MTMR3: variants seen among roughly 807,000 people sequenced by gnomAD.
MTMR3 encodes myotubularin related protein 3.
A neutral mutation model predicts 132.4 loss-of-function variants in MTMR3; 32 were observed. That is an observed-to-expected ratio of 0.24 (90% confidence interval 0.18 to 0.32). The LOEUF (loss-of-function observed/expected upper bound fraction) is 0.32. MTMR3 is among the 10% of genes least tolerant of loss of function. The probability of loss-of-function intolerance (pLI) is 1.00; values close to 1 mark genes in which losing one functional copy is unlikely to be tolerated. For synonymous variants in MTMR3, 556 were observed against 550.3 expected (o/e 1.01, Z -0.14); for missense variants, 1,216 against 1,489.6 (o/e 0.82, Z 3.02).
At chr22:30,007,832 G>A (rs2067306698) in intron 10 of MTMR3, 69 bp from the exon 11 acceptor site, 7 of 1,545,998 alleles carry the variant, frequency 4.5e-6, no homozygotes, top group East Asian at 2.3e-5. Context: ...ATGTGCTTGT[G>A]GGTCTAATTC....
At chr22:29,923,242 T>A (rs932341913) in intron 1 of MTMR3, among the ~76,000 whole-genome samples, 2 of 151,378 alleles carry the variant, frequency 1.3e-5, no homozygotes, top group African/African-American at 4.8e-5. Flanking sequence ...TTTTATTTTT[T>A]ATTTTTTTTT....
chr22:29,950,406 C>G (rs936014027), intron 1 of MTMR3, among the ~76,000 whole-genome samples: 5 of 151,600 alleles, frequency 3.3e-5, no homozygotes, highest in Admixed American at 3.3e-4. Context: ...CTCTGTCGCC[C>G]AGGCTGGAGT....
intron 1 of MTMR3, among the ~76,000 whole-genome samples, chr22:29,925,033 A>C (rs768195443): frequency 2.6e-4 from 40 of 152,136 alleles, no homozygotes; most frequent in Middle Eastern, 3.4e-3. Context: ...TTCCCCTTTA[A>C]ATTTATTTTA....
intron 16 of MTMR3, chr22:30,019,172 C>T (rs2067680497): frequency 8.8e-6 from 2 of 228,218 alleles, no homozygotes; most frequent in Non-Finnish European, 8.7e-6. Flanking sequence ...CACTGCACTC[C>T]AGCCTGGGCG....
chr22:29,949,258 C>T (rs531011452), intron 1 of MTMR3, among the ~76,000 whole-genome samples: 72 of 150,328 alleles, frequency 4.8e-4, no homozygotes, highest in South Asian at 3.4e-3. Flanking sequence ...GAGGCCAAGG[C>T]GGGCAGATCA....
At chr22:29,986,414 A>G (rs940319110) in intron 5 of MTMR3, 1 of 325,192 alleles carries the variant, frequency 3.1e-6, no homozygotes, top group Non-Finnish European at 4.4e-6. Context: ...CTGGCCTGAG[A>G]ACAAAGCAAA....
intron 1 of MTMR3, among the ~76,000 whole-genome samples, chr22:29,908,987 T>TTTTC (rs1191663863): frequency 0.015 from 2,212 of 151,008 alleles, 54 homozygotes; most frequent in African/African-American, 0.051. Flanking sequence ...CTTTTCTTTT[T>TTTTC]TTTTTTTTGA....
chr22:29,923,075 T>C (rs1882952590), intron 1 of MTMR3, among the ~76,000 whole-genome samples: 1 of 146,212 alleles, frequency 6.8e-6, no homozygotes, highest in South Asian at 2.2e-4. Context: ...GGAGTCTTGC[T>C]CTATTGCCCA....
chr22:29,959,285 T>C (rs2066260750), intron 2 of MTMR3, among the ~76,000 whole-genome samples: 1 of 152,114 alleles, frequency 6.6e-6, no homozygotes, highest in Non-Finnish European at 1.5e-5. Context: ...ACCTTCAGGC[T>C]TGGAATAGGA....
chr22:30,019,904 G>T lies in MTMR3; in HGVS notation c.2245G>T (p.Ala749Ser). Reference sequence around the variant, plus strand: ...CCAAGACCCAGAACTGGGTGATGCTGCTCTGAGGAGCCATCTGGATATGAG... The same window carrying T: ...CCAAGACCCAGAACTGGGTGATGCTTCTCTGAGGAGCCATCTGGATATGAG... ...LHQDPELGDA[A>S]LRSHLDMSWP... Residue 749 changes from alanine (A) to serine (S), a missense_variant, in exon 17 of 20, where the codon GCT becomes TCT. This residue lies in a region of MTMR3 where 852 missense variants were observed against 852.0 expected (regional missense o/e 1.00). Coordinates refer to ENST00000401950, the MANE Select transcript of MTMR3 (RefSeq NM_021090.4). 1 of 1,614,206 alleles carries T rather than the reference G, an allele frequency of 6.2e-7. No homozygotes were observed. Among genetic ancestry groups the T allele is most frequent in the Non-Finnish European group, 8.5e-7 (1 of 1,180,022 alleles).
At chr22:29,954,526 G>GC (rs2039459995) in intron 1 of MTMR3, among the ~76,000 whole-genome samples, 1 of 152,144 alleles carries the variant, frequency 6.6e-6, no homozygotes, top group African/African-American at 2.4e-5. Flanking sequence ...GTCTTTGCCA[G>GC]CATTAAGCCC....
intron 7 of MTMR3, chr22:29,994,494 A>C (rs971745251): frequency 6.6e-6 from 1 of 151,944 alleles, no homozygotes; most frequent in Non-Finnish European, 1.5e-5. Flanking sequence ...AGCATTACTC[A>C]TCAAATATTA....
intron 8 of MTMR3, 189 bp from the exon 9 acceptor site, chr22:30,002,684 AACAAAAC>A: frequency 2.0e-6 from 1 of 505,062 alleles, no homozygotes; most frequent in Non-Finnish European, 3.6e-6. Context: ...AACAAAACAA[AACAAAAC>A]ACACTTATGG....
At chr22:30,025,594 C>T in intron 19 of MTMR3, 36 bp from the exon 20 acceptor site, 1 of 1,611,440 alleles carries the variant, frequency 6.2e-7, no homozygotes, top group Non-Finnish European at 8.5e-7. Flanking sequence ...ACCTGCTGGC[C>T]AAAACTAACA....
chr22:29,925,372 T>C (rs528751815), intron 1 of MTMR3, among the ~76,000 whole-genome samples: 41 of 152,270 alleles, frequency 2.7e-4, no homozygotes, highest in African/African-American at 9.4e-4. Context: ...GTGTGCTATG[T>C]TCTGTCTGGA....
At chr22:29,941,012 A>G (rs550108753) in intron 1 of MTMR3, among the ~76,000 whole-genome samples, 2 of 150,238 alleles carry the variant, frequency 1.3e-5, no homozygotes, top group East Asian at 3.9e-4. Flanking sequence ...CACTGCCTCA[A>G]TCATGATACA....
chr22:29,949,128 CACACACACACACACA>C lies in MTMR3; in HGVS notation c.-137-7907_-137-7893del, dbSNP rs1393969632. On this transcript the variant is annotated intron_variant, in intron 1 of 19. Transcript: ENST00000401950. ...ACACACACACACACACACACACACA[CACACACACACACACA>C]CCCCCCCCCCCCCCCCCGAGGCCCT... 6.0e-3 allele frequency among the ~76,000 whole-genome samples: 241 copies of C among 39,862 alleles called. 5 individuals are homozygous for C. The highest frequency in any genetic ancestry group is 0.013 in the African/African-American group (98 of 7,702). The allele number at this position is 39,862 out of a possible 152,430, so 26.2% of individuals were successfully genotyped here. A position where few individuals can be genotyped will look rare whatever the true frequency, so the allele number is the denominator to read the frequency against.
chr22:29,968,101 A>G (rs954971486), intron 2 of MTMR3, among the ~76,000 whole-genome samples: 5 of 152,146 alleles, frequency 3.3e-5, no homozygotes, highest in Non-Finnish European at 5.9e-5. Context: ...TCTCTTAGGT[A>G]TATACCCAGG....
At chr22:29,969,232 T>G (rs555701975) in intron 2 of MTMR3, among the ~76,000 whole-genome samples, 3 of 152,306 alleles carry the variant, frequency 2.0e-5, no homozygotes, top group Admixed American at 6.5e-5. Flanking sequence ...AAGAATAGAT[T>G]TTTCTTACAA....
Sources: allele counts gnomAD v4.1 joint callset (sites outside exome capture counted in the v4.1 genomes callset), GRCh38; gene constraint gnomAD v4.1.1; regional missense constraint gnomAD v4.1.1; transcripts MANE v1.5; gene names NCBI Gene and HGNC (gene_info 2026-07-23, HGNC 2026-07-21).